Variants in OMG observed in about 807,000 individuals in gnomAD.
OMG encodes the protein oligodendrocyte myelin glycoprotein, also known as oligodendrocyte-myelin glycoprotein.
OMG carries 9 observed loss-of-function variants against 26.2 expected under a neutral mutation model. The observed-to-expected ratio is 0.34, with a 90% CI of 0.21 to 0.60. OMG has a LOEUF of 0.60. OMG is among the 20% of genes least tolerant of loss of function. The pLI is 0.80. For missense variants in OMG, 402 were observed against 513.6 expected, an observed-to-expected ratio of 0.78 and a Z score of 2.10; for synonymous variants, 179 against 190.4, an observed-to-expected ratio of 0.94 and a Z score of 0.49.
At position 31,295,514 on chromosome 17, in the gene OMG, A is replaced by G. The variant is rs2068444861; in HGVS notation, c.818T>C (p.Phe273Ser). The G allele has an allele frequency of 6.2e-7, 1 of 1,614,042 alleles. No homozygotes were observed. The highest frequency in any genetic ancestry group is 1.7e-5 in the Admixed American group (1 of 60,004). Residue 273 changes from phenylalanine to serine, a missense_variant, in exon 2 of 2, where the codon TTT (phenylalanine) becomes TCT (serine). Physicochemically the swap from Phe to Ser is radical, Grantham distance 155. Coordinates refer to ENST00000247271, the MANE Select transcript of OMG (RefSeq NM_002544.5). Reference sequence around the variant, plus strand: ...ACTTACAGTGAATAAGCTTGAGGTAAATCCAGAAGGTGTGGGATACATGTT... The same window carrying G: ...ACTTACAGTGAATAAGCTTGAGGTAGATCCAGAAGGTGTGGGATACATGTT... The part of the protein sequence containing the change: ...EHNMYPTPSG[F>S]TSSLFTVSGM...
rs752315419 is a variant in OMG at position 31,295,133 on chromosome 17, A to G, written c.1199T>C (p.Leu400Pro). ...GGTTGTCTCTTCCCTCCATAAGTTA[A>G]GGGTTGTGCTTTGTTGAGGCATTTC... Reference protein sequence around the residue: ...FSEMPQQSTTLNLWREETTTN... With the variant: ...FSEMPQQSTTPNLWREETTTN... The change falls in exon 2 of 2, where the codon CTT becomes CCT. Residue 400 changes from leucine (L) to proline (P), a missense_variant. By Grantham distance (98) the Leu-to-Pro change is moderately conservative. Coordinates refer to ENST00000247271, the MANE Select transcript of OMG (RefSeq NM_002544.5). 2 of 1,614,128 alleles carry G rather than the reference A, an allele frequency of 1.2e-6. No homozygotes were observed. The highest frequency in any genetic ancestry group is 2.2e-5 in the South Asian group (2 of 91,082).
chr17:31,295,011 A>C lies in OMG; in HGVS notation c.1321T>G (p.Ter441GlyextTer14), dbSNP rs2068430651. The stretch of plus-strand genomic sequence containing the variant: ...TTAGTTTCAGAAAATGCAGACCCTC[A>C]GACAGCCAGCATGACCACAACATTG... The part of the protein sequence containing the change: ...LLNVVVMLAV[*>G] Residue 441 changes from the stop codon to glycine (G), a stop_lost, in exon 2 of 2, where the codon TGA (stop) becomes GGA (glycine). Transcript: ENST00000247271. 1.2e-6 allele frequency: 2 copies of C among 1,614,012 alleles called. No individual in the cohort carries two copies. Among genetic ancestry groups the C allele is most frequent in the South Asian group, 2.2e-5 (2 of 91,086 alleles).
In OMG at chr17:31,295,240, G is replaced by A; in HGVS notation, c.1092C>T (p.Asn364=). ...ATTTTGTTGAGCTAGTGAGGCTTGT[G>A]TTTGTGACCATTCCATCTTGGAGAT... ...TIHLQDGMVT[N]TSLTSSTKSS... Residue 364 remains asparagine (N), a synonymous_variant, in exon 2 of 2, where the codon AAC becomes AAT. Coordinates refer to ENST00000247271, the MANE Select transcript of OMG (RefSeq NM_002544.5). The A allele has an allele frequency of 6.2e-7, 1 of 1,614,102 alleles. No homozygotes were observed. Among genetic ancestry groups the A allele is most frequent in the Admixed American group, 1.7e-5 (1 of 60,016 alleles).
Position 31,296,283 on chromosome 17 carries a change from A to G in OMG, c.49T>C (p.Phe17Leu). Residue 17 changes from phenylalanine to leucine, a missense_variant, in exon 2 of 2, where the codon TTT becomes CTT. This residue lies in a region of OMG where 65 missense variants were observed against 80.0 expected (regional missense o/e 0.81). Coordinates refer to ENST00000247271, the MANE Select transcript of OMG (RefSeq NM_002544.5). ...ATGCATAAAATACCAGGTGTGAGAA[A>G]CAGAAGGATGAACAGGCAGAGAGAC... ...KMSLCLFILL[F>L]LTPGILCICP... is the part of the protein sequence containing the mutation. The G allele has an allele frequency of 2.5e-6, 4 of 1,614,094 alleles. No individual in the cohort carries two copies. The highest frequency in any genetic ancestry group is 3.4e-6 in the Non-Finnish European group (4 of 1,179,938).
At position 31,296,798 on chromosome 17, in the gene OMG, G is replaced by A. The variant is rs72815627; in HGVS notation, c.-7+358C>T. The A allele has an allele frequency of 4.0e-3, 659 of 164,146 alleles. 2 individuals are homozygous for A. The highest frequency in any genetic ancestry group is 6.8e-3 in the Non-Finnish European group (504 of 74,648). 10.2% of individuals were successfully genotyped at this position (164,146 alleles called of 1,614,324 possible). A position where few individuals can be genotyped will look rare whatever the true frequency, so the allele number is the denominator to read the frequency against. Reference sequence around the variant, plus strand: ...ATGTAATTCAATGTGTGTATATAGGGTAGATTTTATTTAGATATTAAAGCA... The same window carrying A: ...ATGTAATTCAATGTGTGTATATAGGATAGATTTTATTTAGATATTAAAGCA... On this transcript the variant is annotated intron_variant, in intron 1 of 1. Transcript: ENST00000247271.
intron 1 of OMG, chr17:31,296,708 A>G (rs759636136): frequency 3.3e-5 from 8 of 245,464 alleles, no homozygotes; most frequent in Non-Finnish European, 5.6e-5. Flanking sequence ...ATTTTTGATG[A>G]TATGCTTTCT....
Position 31,295,922 on chromosome 17 carries a change from T to C in OMG, c.410A>G (p.Lys137Arg). ...YLDVSKNMLE[K>R]VVLIKNTLRS... ...TAGTGTATTTTTAATGAGGACAACCTTTTCCAGCATGTTCTTAGAAACATC... is the reference window on the plus strand; with the variant it reads ...TAGTGTATTTTTAATGAGGACAACCCTTTCCAGCATGTTCTTAGAAACATC... Residue 137 changes from lysine (K) to arginine (R), a missense_variant, in exon 2 of 2, where the codon AAG becomes AGG. By Grantham distance (26) the Lys-to-Arg change is conservative. This residue lies in a region of OMG where 90 missense variants were observed against 158.9 expected (regional missense o/e 0.57). Coordinates refer to ENST00000247271, the MANE Select transcript of OMG (RefSeq NM_002544.5). The C allele has an allele frequency of 6.2e-7, 1 of 1,614,080 alleles. No individual in the cohort carries two copies. The highest frequency in any genetic ancestry group is 1.1e-5 in the South Asian group (1 of 91,064).
rs1488632339 is a variant in OMG, at chr17:31,295,655, C to G, written c.677G>C (p.Arg226Thr). The change falls in exon 2 of 2, where the codon AGG becomes ACG. Residue 226 changes from arginine to threonine, a missense_variant. Around this residue, in one of 3 missense-constraint regions of OMG, gnomAD observed 247 missense variants for 274.7 expected, o/e 0.90. Transcript: ENST00000247271. ...GTTTTGTTTGTGGTCACATGACCAC[C>G]TGTTATTGTAAAGGGTTATCTCTTG... is the stretch of plus-strand genomic sequence containing the variant. ...QLQEITLYNN[R>T]WSCDHKQNIT... The G allele has an allele frequency of 6.2e-7, 1 of 1,613,948 alleles. No individual in the cohort carries two copies. Among genetic ancestry groups the G allele is most frequent in the South Asian group, 1.1e-5 (1 of 91,088 alleles).
In OMG at chr17:31,295,719, A is replaced by G. The variant is rs974507286; in HGVS notation, c.613T>C (p.Phe205Leu). 15 of 1,614,072 alleles carry G rather than the reference A, an allele frequency of 9.3e-6. No individual in the cohort carries two copies. The highest frequency in any genetic ancestry group is 1.1e-5 in the Non-Finnish European group (13 of 1,180,026). Residue 205 changes from phenylalanine to leucine, a missense_variant, in exon 2 of 2, where the codon TTC (phenylalanine) becomes CTC (leucine). Coordinates refer to ENST00000247271, the MANE Select transcript of OMG (RefSeq NM_002544.5). ...TGGTCAAAAGATTGGTCTGGAATGAATGTGAACTTATTGTTGTGCAGGTAA... is the reference window on the plus strand; with the variant it reads ...TGGTCAAAAGATTGGTCTGGAATGAGTGTGAACTTATTGTTGTGCAGGTAA... Reference protein sequence around the residue: ...HLYLHNNKFTFIPDQSFDQLF... With the variant: ...HLYLHNNKFTLIPDQSFDQLF...
At position 31,297,156 on chromosome 17, in the gene OMG, C is replaced by T. The variant is rs952580695; in HGVS notation, c.-7G>A. The T allele has an allele frequency of 6.6e-6, 1 of 152,058 alleles. No individual in the cohort carries two copies. Among genetic ancestry groups the T allele is most frequent in the Non-Finnish European group, 1.5e-5 (1 of 67,992 alleles). 9.4% of individuals were successfully genotyped at this position (152,058 alleles called of 1,614,324 possible). On this transcript the variant is annotated splice_region_variant and 5_prime_UTR_variant, in exon 1 of 2. Coordinates refer to ENST00000247271, the MANE Select transcript of OMG (RefSeq NM_002544.5). ...TTTACTGATTTAAATAACATCTTACCGTGGTGTCGTCTTCAACATCAGCAT... is the reference window on the plus strand; with the variant it reads ...TTTACTGATTTAAATAACATCTTACTGTGGTGTCGTCTTCAACATCAGCAT...
At position 31,294,883 on chromosome 17, in the gene OMG, A is replaced by G; in HGVS notation, c.*126T>C. The G allele has an allele frequency of 8.0e-7, 1 of 1,249,348 alleles. No individual in the cohort carries two copies. Among genetic ancestry groups the G allele is most frequent in the Admixed American group, 1.8e-5 (1 of 57,026 alleles). The allele number at this position is 1,249,348 out of a possible 1,614,324, so 77.4% of individuals were successfully genotyped here. A position where few individuals can be genotyped will look rare whatever the true frequency, so the allele number is the denominator to read the frequency against. ...AAGTTACTTCATTTACATCAGAGTTAGAAATGTTAAGACTGGCTTTCTTGA... is the reference window on the plus strand; with the variant it reads ...AAGTTACTTCATTTACATCAGAGTTGGAAATGTTAAGACTGGCTTTCTTGA... On this transcript the variant is annotated 3_prime_UTR_variant, in exon 2 of 2. Transcript: ENST00000247271.
Position 31,295,537 on chromosome 17 carries a change from G to T in OMG, c.795C>A (p.Asn265Lys), listed in dbSNP as rs966397464. 1 of 1,614,078 alleles carries T rather than the reference G, an allele frequency of 6.2e-7. No homozygotes were observed. Residue 265 changes from asparagine to lysine, a missense_variant, in exon 2 of 2, where the codon AAC (asparagine) becomes AAA (lysine). Coordinates refer to ENST00000247271, the MANE Select transcript of OMG (RefSeq NM_002544.5). Reference protein sequence around the residue: ...STQISSLKEHNMYPTPSGFTS... With the variant: ...STQISSLKEHKMYPTPSGFTS... ...TAAATCCAGAAGGTGTGGGATACAT[G>T]TTATGTTCCTTTAAAGATGATATTT...
In OMG at chr17:31,296,196, A is replaced by C; in HGVS notation, c.136T>G (p.Leu46Val). 1.9e-6 allele frequency: 3 copies of C among 1,613,834 alleles called. No homozygotes were observed. The highest frequency in any genetic ancestry group is 1.7e-6 in the Non-Finnish European group (2 of 1,179,756). The change falls in exon 2 of 2, where the codon TTG becomes GTG. Residue 46 changes from leucine to valine, a missense_variant. Leu to Val is a conservative substitution (Grantham distance 32). Transcript: ENST00000247271. ...HRHVDCSGRNLSTLPSGLQEN... is the reference protein window; with the variant it reads ...HRHVDCSGRNVSTLPSGLQEN... ...TGCAGTCCAGATGGTAATGTAGACAAGTTTCTGCCTGAACAGTCCACATGC... is the reference window on the plus strand; with the variant it reads ...TGCAGTCCAGATGGTAATGTAGACACGTTTCTGCCTGAACAGTCCACATGC...
chr17:31,296,284 CAGA>C lies in OMG; in HGVS notation c.45_47del (p.Leu16del), dbSNP rs1361711983. The C allele has an allele frequency of 6.2e-7, 1 of 1,613,982 alleles. No homozygotes were observed. Among genetic ancestry groups the C allele is most frequent in the Admixed American group, 1.7e-5 (1 of 60,010 alleles). The stretch of plus-strand genomic sequence containing the variant: ...TGCATAAAATACCAGGTGTGAGAAA[CAGA>C]AGGATGAACAGGCAGAGAGACATTT... On this transcript the variant is annotated inframe_deletion, in exon 2 of 2. Coordinates refer to ENST00000247271, the MANE Select transcript of OMG (RefSeq NM_002544.5).
Position 31,294,948 on chromosome 17 carries a change from A to G in OMG, c.*61T>C. ...CTCGAATCACTGGTTAGATATGGAC[A>G]TATTTTCCCAACTGTACATCAGGGA... On this transcript the variant is annotated 3_prime_UTR_variant, in exon 2 of 2. Transcript: ENST00000247271. The G allele has an allele frequency of 1.9e-6, 3 of 1,609,070 alleles. No homozygotes were observed. The highest frequency in any genetic ancestry group is 2.2e-5 in the East Asian group (1 of 44,836).
rs1342335127 is a variant in OMG at position 31,295,712 on chromosome 17, G to C, written c.620C>G (p.Pro207Arg). ...YLHNNKFTFI[P>R]DQSFDQLFQL... ...AAAGAGTTGGTCAAAAGATTGGTCT[G>C]GAATGAATGTGAACTTATTGTTGTG... The change falls in exon 2 of 2, where the codon CCA becomes CGA. Residue 207 changes from proline to arginine, a missense_variant. Physicochemically the swap from Pro to Arg is moderately radical, Grantham distance 103 (BLOSUM62 -2). Around this residue, in one of 3 missense-constraint regions of OMG, gnomAD observed 247 missense variants for 274.7 expected, o/e 0.90. Coordinates refer to ENST00000247271, the MANE Select transcript of OMG (RefSeq NM_002544.5). 2 of 1,614,156 alleles carry C rather than the reference G, an allele frequency of 1.2e-6. No individual in the cohort carries two copies. The highest frequency in any genetic ancestry group is 1.7e-6 in the Non-Finnish European group (2 of 1,180,010).
chr17:31,294,727 A>G lies in OMG; in HGVS notation c.*282T>C, dbSNP rs1378954922. Reference sequence around the variant, plus strand: ...ATACATATTAAAGTTTAGATGCTTTATATTTTGTGCAATAAATTGAAGCCT... The same window carrying G: ...ATACATATTAAAGTTTAGATGCTTTGTATTTTGTGCAATAAATTGAAGCCT... On this transcript the variant is annotated 3_prime_UTR_variant, in exon 2 of 2. Transcript: ENST00000247271. 1 of 465,962 alleles carries G rather than the reference A, an allele frequency of 2.1e-6. No individual in the cohort carries two copies. Among genetic ancestry groups the G allele is most frequent in the Admixed American group, 3.5e-5 (1 of 28,878 alleles). 28.9% of individuals were successfully genotyped at this position (465,962 alleles called of 1,614,324 possible). A position where few individuals can be genotyped will look rare whatever the true frequency, so the allele number is the denominator to read the frequency against.
At chr17:31,297,068 A>G (rs2068482510) in intron 1 of OMG, 88 bp downstream of exon 1, 2 of 152,232 alleles carry the variant, frequency 1.3e-5, no homozygotes, top group African/African-American at 4.8e-5. Context: ...TATTGAATAT[A>G]TATTTAATCC....
Position 31,295,430 on chromosome 17 carries a change from G to A in OMG, c.902C>T (p.Thr301Ile). 1 of 1,614,096 alleles carries A rather than the reference G, an allele frequency of 6.2e-7. No homozygotes were observed. The highest frequency in any genetic ancestry group is 8.5e-7 in the Non-Finnish European group (1 of 1,179,990). Reference protein sequence around the residue: ...SLSVVTQPKVTKIPKQYRTKE... With the variant: ...SLSVVTQPKVIKIPKQYRTKE... Reference sequence around the variant, plus strand: ...TGTTCGATATTGTTTGGGTATTTTGGTCACTTTGGGTTGAGTTACCACACT... The same window carrying A: ...TGTTCGATATTGTTTGGGTATTTTGATCACTTTGGGTTGAGTTACCACACT... Residue 301 changes from threonine (T) to isoleucine (I), a missense_variant, in exon 2 of 2, where the codon ACC becomes ATC. Transcript: ENST00000247271.
Sources: gnomAD v4.1 joint callset for allele counts on GRCh38, gnomAD v4.1.1 for gene constraint, gnomAD v4.1.1 regional missense constraint, MANE v1.5 for transcripts, NCBI Gene and HGNC (gene_info 2026-07-23, HGNC 2026-07-21) for gene names.